MPC1: variants seen among roughly 807,000 people sequenced by gnomAD.
MPC1 encodes the protein HSPC040 protein.
Under a neutral mutation model 13.9 loss-of-function variants are expected in MPC1, and 6 were observed. The observed-to-expected ratio is 0.43, with a 90% CI of 0.24 to 0.85. MPC1 has a LOEUF of 0.85. Ranked by LOEUF, MPC1 falls within the 40% of genes least tolerant of loss-of-function variation. The pLI, the probability that MPC1 is intolerant of heterozygous loss-of-function variation, is 0.24. For missense variants in MPC1, 115 were observed against 143.3 expected, an observed-to-expected ratio of 0.80 and a Z score of 1.01; for synonymous variants, 47 against 50.5, an observed-to-expected ratio of 0.93 and a Z score of 0.29.
intron 3 of MPC1, among the ~76,000 whole-genome samples, 165 bp downstream of exon 3, chr6:166,366,630 A>G (rs1464444883): frequency 6.6e-6 from 1 of 152,208 alleles, no homozygotes; most frequent in African/African-American, 2.4e-5. Context: ...TTTCTAATTA[A>G]TCTTGTTTCT....
chr6:166,366,880 G>A lies in MPC1; in HGVS notation c.87C>T (p.Gly29=). ...RDYLMSTHFW[G]PVANWGLPIA... is the part of the protein sequence containing the mutation. ...TGGGAAGACCCCAGTTGGCTACTGG[G>A]CCCCAGAAGTGCTACAAAAAATGAG... The change falls in exon 3 of 5, where the codon GGC becomes GGT. Residue 29 remains glycine (G), a synonymous_variant. Coordinates refer to ENST00000360961, the MANE Select transcript of MPC1 (RefSeq NM_016098.4). 1.2e-6 allele frequency: 2 copies of A among 1,614,076 alleles called. No individual in the cohort carries two copies. Among genetic ancestry groups the A allele is most frequent in the Non-Finnish European group, 1.7e-6 (2 of 1,179,948 alleles).
intron 1 of MPC1, among the ~76,000 whole-genome samples, chr6:166,380,636 C>T (rs1483319936): frequency 3.9e-5 from 6 of 152,014 alleles, no homozygotes; most frequent in Admixed American, 2.0e-4. Context: ...ACAAATTCTT[C>T]CTATGTAATG....
chr6:166,381,899 C>A (rs890693015), intron 1 of MPC1: 6 of 804,722 alleles, frequency 7.5e-6, no homozygotes, highest in Non-Finnish European at 9.0e-6. Context: ...GAACCCAAGG[C>A]CAGCACATTT....
At chr6:166,380,413 A>G (rs1779724252) in intron 1 of MPC1, among the ~76,000 whole-genome samples, 1 of 152,334 alleles carries the variant, frequency 6.6e-6, no homozygotes, top group Admixed American at 6.5e-5. Context: ...GAGTAATGCA[A>G]TTCTCTTCTT....
chr6:166,378,783 A>G (rs1477786566), intron 1 of MPC1, among the ~76,000 whole-genome samples: 3 of 152,214 alleles, frequency 2.0e-5, no homozygotes, highest in African/African-American at 4.8e-5. Context: ...AAAAGAGAGT[A>G]CCAGAAATCC....
intron 2 of MPC1, chr6:166,368,695 T>G (rs1779264380): frequency 2.2e-6 from 2 of 926,810 alleles, no homozygotes; most frequent in South Asian, 5.0e-5. Flanking sequence ...CCCAGACTTT[T>G]GTAAGGGAGA....
intron 1 of MPC1, among the ~76,000 whole-genome samples, chr6:166,382,091 G>A (rs960629160): frequency 6.6e-6 from 1 of 152,262 alleles, no homozygotes; most frequent in African/African-American, 2.4e-5. Flanking sequence ...GGTAGAAACC[G>A]GCCAGGAAAC....
rs1468968752 is a variant in MPC1, at chr6:166,365,756, T to G, written c.305+218A>C. Among the ~76,000 whole-genome samples, 1 of 152,204 alleles carries G rather than the reference T, an allele frequency of 6.6e-6. No homozygotes were observed. The highest frequency in any genetic ancestry group is 1.5e-5 in the Non-Finnish European group (1 of 68,036). ...GTGTCATGTTGGCACTCTAAAGGTT[T>G]CATATTTTGGAGCATTTCAGATTTT... On this transcript the variant is annotated intron_variant, in intron 4 of 4. Coordinates refer to ENST00000360961, the MANE Select transcript of MPC1 (RefSeq NM_016098.4). This position sits in a 1 kb window ranked among gnomAD's most constrained non-coding sequence, Gnocchi z 4.2.
chr6:166,375,309 G>T (rs1411554974), intron 1 of MPC1, among the ~76,000 whole-genome samples: 1 of 152,162 alleles, frequency 6.6e-6, no homozygotes, highest in Non-Finnish European at 1.5e-5. Flanking sequence ...TTTATGAATT[G>T]GTTGTTCCTG....
Position 166,365,994 on chromosome 6 carries a change from T to G in MPC1, c.285A>C (p.Gly95=), listed in dbSNP as rs756165229. The change falls in exon 4 of 5, where the codon GGA becomes GGC. Residue 95 remains glycine (G), a synonymous_variant. Transcript: ENST00000360961. This position sits in a 1 kb window ranked among gnomAD's most constrained non-coding sequence, Gnocchi z 4.2. ...ATNEVAQLIQ[G]GRLIKHEMTK... ...CTTACTCGTGTTTGATAAGCCGCCCTCCCTGGATGAGCTGGGCTACTTCAT... is the reference window on the plus strand; with the variant it reads ...CTTACTCGTGTTTGATAAGCCGCCCGCCCTGGATGAGCTGGGCTACTTCAT... 9 of 1,613,728 alleles carry G rather than the reference T, an allele frequency of 5.6e-6. No homozygotes were observed. The highest frequency in any genetic ancestry group is 6.8e-6 in the Non-Finnish European group (8 of 1,179,684).
At chr6:166,379,214 C>A (rs1779676793) in intron 1 of MPC1, among the ~76,000 whole-genome samples, 1 of 152,166 alleles carries the variant, frequency 6.6e-6, no homozygotes, top group African/African-American at 2.4e-5. Context: ...TGTGGATGGG[C>A]TGGGCACAGT....
chr6:166,371,615 G>A lies in MPC1; in HGVS notation c.72-1394C>T, dbSNP rs146140837. On this transcript the variant is annotated intron_variant, in intron 1 of 4. Transcript: ENST00000360961. ...TTAGAGAGCACAGAGATTATAATTT[G>A]TAACATGAAAATAATTGTTGATGGT... Among the ~76,000 whole-genome samples the A allele has an allele frequency of 7.2e-3, 1,096 of 152,264 alleles. 12 individuals carry two copies. Among genetic ancestry groups the A allele is most frequent in the African/African-American group, 0.025 (1,046 of 41,546 alleles).
At chr6:166,370,015 G>A (rs756480499) in intron 2 of MPC1, 21 of 705,054 alleles carry the variant, frequency 3.0e-5, no homozygotes, top group South Asian at 2.1e-4. Context: ...GGAGTAGGGA[G>A]CAGCCCCAGG....
intron 2 of MPC1, 22 bp from the exon 3 acceptor site, chr6:166,366,913 G>T (rs756637240): frequency 1.6e-5 from 26 of 1,613,532 alleles, no homozygotes; most frequent in Non-Finnish European, 2.2e-5. Context: ...GAGAGGAAAA[G>T]AATGAAGAGA....
At chr6:166,377,112 C>A (rs1779597397) in intron 1 of MPC1, among the ~76,000 whole-genome samples, 1 of 150,430 alleles carries the variant, frequency 6.6e-6, no homozygotes. Flanking sequence ...CCTTTCCTGG[C>A]ATATCAGTTA....
intron 1 of MPC1, 53 bp downstream of exon 1, chr6:166,382,753 A>G: frequency 3.9e-6 from 6 of 1,520,886 alleles, no homozygotes; most frequent in Non-Finnish European, 5.3e-6. Flanking sequence ...CACGGGTCGC[A>G]GCCTCCCGGG....
intron 3 of MPC1, among the ~76,000 whole-genome samples, chr6:166,366,421 G>T (rs1389243954): frequency 3.3e-5 from 5 of 152,246 alleles, no homozygotes; most frequent in African/African-American, 1.2e-4. Context: ...TTATCTGAAA[G>T]AATTGTTATT....
At chr6:166,370,286 A>C in intron 1 of MPC1, 65 bp from the exon 2 acceptor site, 2 of 705,118 alleles carry the variant, frequency 2.8e-6, no homozygotes, top group Non-Finnish European at 2.6e-6. Context: ...AACAAAAATC[A>C]AATGATTTTG....
chr6:166,380,409 T>C (rs1476276213), intron 1 of MPC1, among the ~76,000 whole-genome samples: 1 of 152,246 alleles, frequency 6.6e-6, no homozygotes, highest in African/African-American at 2.4e-5. Context: ...TTCCGAGTAA[T>C]GCAATTCTCT....
Sources: gnomAD v4.1 joint callset for allele counts (sites outside exome capture counted in the v4.1 genomes callset) on GRCh38, gnomAD v4.1.1 for gene constraint, Gnocchi (gnomAD v3.1) non-coding constraint, MANE v1.5 for transcripts, NCBI Gene and HGNC (gene_info 2026-07-23, HGNC 2026-07-21) for gene names.